The following LRIG1 variants were observed in gnomAD, a reference collection of about 807,000 sequenced individuals.
LRIG1 encodes leucine rich repeats and immunoglobulin like domains 1.
Under a neutral mutation model 99.2 loss-of-function variants are expected in LRIG1, and 48 were observed. That is an observed-to-expected ratio of 0.48 (90% CI 0.38 to 0.62). LRIG1 has a LOEUF of 0.62. LRIG1 is among the 20% of genes least tolerant of loss of function. LRIG1 has a pLI of 0.00. For synonymous variants in LRIG1, 772 were observed against 596.1 expected (o/e 1.29, Z -4.30); for missense variants, 1,646 against 1,434.4 (o/e 1.15, Z -2.38).
At chr3:66,443,964 G>T (rs1575696243) in intron 3 of LRIG1, among the ~76,000 whole-genome samples, 1 of 152,172 alleles carries the variant, frequency 6.6e-6, no homozygotes, top group African/African-American at 2.4e-5. Flanking sequence ...CCCCAGTAGG[G>T]TGGGGGAAAA....
intron 3 of LRIG1, among the ~76,000 whole-genome samples, chr3:66,450,865 G>C (rs945447495): frequency 1.3e-5 from 2 of 152,198 alleles, no homozygotes; most frequent in Non-Finnish European, 2.9e-5. Flanking sequence ...GGTTTATCTG[G>C]AAAGTCTTCT....
At chr3:66,408,283 C>A (rs1424667467) in intron 7 of LRIG1, among the ~76,000 whole-genome samples, 1 of 152,198 alleles carries the variant, frequency 6.6e-6, no homozygotes, top group East Asian at 1.9e-4. Flanking sequence ...TCTTTCCCTC[C>A]TGGACAAATA....
intron 1 of LRIG1, among the ~76,000 whole-genome samples, chr3:66,481,334 T>C (rs1160894023): frequency 1.3e-5 from 2 of 152,264 alleles, no homozygotes; most frequent in Non-Finnish European, 2.9e-5. Context: ...TCTCACTTTG[T>C]AGCTTTTTTG....
At chr3:66,407,712 C>T (rs367867034) in intron 7 of LRIG1, among the ~76,000 whole-genome samples, 6 of 152,312 alleles carry the variant, frequency 3.9e-5, no homozygotes, top group East Asian at 3.9e-4. Flanking sequence ...TAGTCTGACT[C>T]GTAGAATGGG....
intron 3 of LRIG1, among the ~76,000 whole-genome samples, chr3:66,446,626 G>C (rs559616085): frequency 1.3e-5 from 2 of 151,658 alleles, no homozygotes; most frequent in Admixed American, 1.3e-4. Context: ...GGCTGGTCTC[G>C]AACTCCTGAC....
At chr3:66,407,625 A>ACG in intron 7 of LRIG1, 134 bp from the exon 8 acceptor site, 1 of 856,128 alleles carries the variant, frequency 1.2e-6, no homozygotes, top group Non-Finnish European at 1.8e-6. Flanking sequence ...GCGTGCGTGC[A>ACG]CACACACACC....
rs1700945930 is a variant in LRIG1, at chr3:66,380,111, C to T, written c.*152G>A. The T allele has an allele frequency of 1.6e-6, 1 of 618,272 alleles. No individual in the cohort carries two copies. Among genetic ancestry groups the T allele is most frequent in the African/African-American group, 1.8e-5 (1 of 54,454 alleles). The allele number at this position is 618,272 out of a possible 1,614,324, so 38.3% of individuals were successfully genotyped here. A position where few individuals can be genotyped will look rare whatever the true frequency, so the allele number is the denominator to read the frequency against. On this transcript the variant is annotated 3_prime_UTR_variant, in exon 19 of 19. Transcript: ENST00000273261. ...CAAATCCCCTCTTGCGTTTACTGTG[C>T]TTCAGATCCAAGTCCTGTGAGCGAC... is the stretch of plus-strand genomic sequence containing the variant.
chr3:66,462,678 C>T (rs1045974989), intron 1 of LRIG1, among the ~76,000 whole-genome samples, 169 bp from the exon 2 acceptor site: 1 of 151,912 alleles, frequency 6.6e-6, no homozygotes, highest in African/African-American at 2.4e-5. Flanking sequence ...ATACCCCCTC[C>T]CCACCTACAT....
intron 2 of LRIG1, among the ~76,000 whole-genome samples, chr3:66,455,627 C>T (rs1455889244): frequency 6.6e-6 from 1 of 152,188 alleles, no homozygotes; most frequent in Non-Finnish European, 1.5e-5. Context: ...ACAGACAGAG[C>T]TGCAATTAAT....
At chr3:66,423,172 G>A (rs1199687933) in intron 3 of LRIG1, among the ~76,000 whole-genome samples, 1 of 152,200 alleles carries the variant, frequency 6.6e-6, no homozygotes, top group Non-Finnish European at 1.5e-5. Flanking sequence ...AAAAGTTCTG[G>A]AGACTGGTTG....
chr3:66,422,711 T>G (rs1702858668), intron 3 of LRIG1, among the ~76,000 whole-genome samples: 1 of 152,236 alleles, frequency 6.6e-6, no homozygotes, highest in Non-Finnish European at 1.5e-5. Flanking sequence ...TTCCACATTT[T>G]CAGGTATGTT....
rs1245212328 is a variant in LRIG1 at position 66,383,043 on chromosome 3, G to C, written c.2430C>G (p.Val810=). 1.2e-6 allele frequency: 2 copies of C among 1,614,106 alleles called. No individual in the cohort carries two copies. Among genetic ancestry groups the C allele is most frequent in the South Asian group, 1.1e-5 (1 of 91,064 alleles). The part of the protein sequence containing the change: ...VVSSIVLTSL[V]WVCIIYQTRK... ...TGGTCTGGTAGATGATGCACACCCA[G>C]ACCAGTGACGTCAGGACGATGCTGC... Residue 810 remains valine, a synonymous_variant, in exon 15 of 19, where the codon GTC becomes GTG. Transcript: ENST00000273261.
intron 1 of LRIG1, among the ~76,000 whole-genome samples, chr3:66,474,276 CT>C (rs929322429): frequency 6.6e-6 from 1 of 151,746 alleles, no homozygotes; most frequent in African/African-American, 2.4e-5. Context: ...ACTTTTATTT[CT>C]TTTTTTTAAA....
chr3:66,462,323 C>A, intron 2 of LRIG1, 115 bp downstream of exon 2: 1 of 747,218 alleles, frequency 1.3e-6, no homozygotes, highest in Non-Finnish European at 2.4e-6. Flanking sequence ...ACAAATGTTC[C>A]TTCCTACAAG....
At chr3:66,459,361 C>T (rs914509145) in intron 2 of LRIG1, among the ~76,000 whole-genome samples, 3 of 152,174 alleles carry the variant, frequency 2.0e-5, no homozygotes, top group African/African-American at 4.8e-5. Flanking sequence ...CCATGCCTGC[C>T]CCTGATAGAT....
At chr3:66,498,019 G>T (rs961074826) in intron 1 of LRIG1, 2 of 152,160 alleles carry the variant, frequency 1.3e-5, no homozygotes, top group African/African-American at 2.4e-5. Context: ...TTTAAATTCA[G>T]AAGTCTGAAG....
In LRIG1 at chr3:66,381,851, C is replaced by T. The variant is rs559328660; in HGVS notation, c.2618-220G>A. ...GCAGCTGTCTCAGGGTGAGCCTCTA[C>T]AGTCTCAGGCAAGTGCTCAGAGGCC... On this transcript the variant is annotated intron_variant, in intron 16 of 18. Coordinates refer to ENST00000273261, the MANE Select transcript of LRIG1 (RefSeq NM_015541.3). Among the ~76,000 whole-genome samples the T allele has an allele frequency of 9.8e-5, 15 of 152,316 alleles. No individual in the cohort carries two copies. In the South Asian group the frequency reaches 2.5e-3, roughly 25 times the overall value.
intron 3 of LRIG1, among the ~76,000 whole-genome samples, chr3:66,440,225 C>T (rs1479745343): frequency 6.6e-6 from 1 of 152,172 alleles, no homozygotes; most frequent in Non-Finnish European, 1.5e-5. Context: ...CACTCACCCC[C>T]TCTGCTCCCC....
intron 8 of LRIG1, chr3:66,405,757 C>A: frequency 8.6e-7 from 1 of 1,162,236 alleles, no homozygotes; most frequent in Non-Finnish European, 1.1e-6. Context: ...CCGTACCAGC[C>A]AGTGGGTCTG....
Sources: allele counts gnomAD v4.1 joint callset (sites outside exome capture counted in the v4.1 genomes callset), GRCh38; gene constraint gnomAD v4.1.1; transcripts MANE v1.5; gene names NCBI Gene and HGNC (gene_info 2026-07-23, HGNC 2026-07-21).